Variants in TTYH2 observed in about 807,000 individuals in gnomAD.
TTYH2 encodes protein tweety homolog 2.
A neutral mutation model predicts 68.3 loss-of-function variants in TTYH2; 49 were observed. The ratio of observed to expected loss-of-function variants is 0.72; its 90% confidence interval spans 0.57 to 0.91. The LOEUF is 0.91. Among genes scored for constraint, TTYH2 ranks in the 40% least tolerant of loss-of-function variants. The pLI, the probability that TTYH2 is intolerant of heterozygous loss-of-function variation, is 0.00. For synonymous variants in TTYH2, 272 were observed against 300.8 expected, an observed-to-expected ratio of 0.90 and a Z score of 0.99; for missense variants, 631 against 700.4, an observed-to-expected ratio of 0.90 and a Z score of 1.12.
intron 3 of TTYH2, 86 bp downstream of exon 3, chr17:74,231,085 T>C: frequency 2.4e-6 from 3 of 1,249,652 alleles, no homozygotes; most frequent in Admixed American, 3.6e-5. Context: ...AGATCCCAGC[T>C]AGCTCAGCTG....
At chr17:74,251,319 CAT>C (rs1222751002) in intron 10 of TTYH2, among the ~76,000 whole-genome samples, 64 of 135,452 alleles carry the variant, frequency 4.7e-4, no homozygotes, top group African/African-American at 1.7e-3. Flanking sequence ...GTTGTGTGCA[CAT>C]GTGTGCACAT....
intron 10 of TTYH2, among the ~76,000 whole-genome samples, chr17:74,251,388 G>T (rs2050627602): frequency 6.7e-6 from 1 of 150,274 alleles, no homozygotes; most frequent in South Asian, 2.1e-4. Flanking sequence ...TGTGTGTGGG[G>T]GGTGTGTGTG....
At chr17:74,233,087 G>A (rs925575564) in intron 3 of TTYH2, among the ~76,000 whole-genome samples, 3 of 152,166 alleles carry the variant, frequency 2.0e-5, no homozygotes, top group Non-Finnish European at 4.4e-5. Flanking sequence ...CGTTGTTACC[G>A]AGAAGTGAGG....
At position 74,237,277 on chromosome 17, in the gene TTYH2, C is replaced by T. The variant is rs374462115; in HGVS notation, c.415-17C>T. Reference sequence around the variant, plus strand: ...GAAGCTCTACCTCCATGGCTTTTGCCCCCTGCTCCTCCCTAGGTTTCCGGA... The same window carrying T: ...GAAGCTCTACCTCCATGGCTTTTGCTCCCTGCTCCTCCCTAGGTTTCCGGA... On this transcript the variant is annotated splice_polypyrimidine_tract_variant and intron_variant, in intron 3 of 13. Transcript: ENST00000269346. The T allele has an allele frequency of 2.5e-6, 4 of 1,612,558 alleles. No individual in the cohort carries two copies. The Admixed American group carries it at 6.7e-5, about 27-fold the overall frequency.
Position 74,215,746 on chromosome 17 carries a change from T to TG in TTYH2, c.129+2032dup, listed in dbSNP as rs200656677. 22,588 of 1,526,518 alleles carry TG rather than the reference T, an allele frequency of 0.015. 189 individuals are homozygous for TG. The highest frequency in any genetic ancestry group is 0.018 in the Non-Finnish European group (20,155 of 1,138,548). The allele number at this position is 1,526,518 out of a possible 1,614,324, so 94.6% of individuals were successfully genotyped here. ...CCCTGTTGTGACCACAGGTCTCTCC[T>TG]GGATGTCTTCTTTCCTCCTGAGCAC... is the stretch of plus-strand genomic sequence containing the variant. On this transcript the variant is annotated intron_variant, in intron 1 of 13. Coordinates refer to ENST00000269346, the MANE Select transcript of TTYH2 (RefSeq NM_032646.6). The surrounding 1 kb of genome is among the most constrained non-coding windows in gnomAD (Gnocchi z 4.3).
At position 74,232,732 on chromosome 17, in the gene TTYH2, C is replaced by G. The variant is rs1274700497; in HGVS notation, c.414+1733C>G. On this transcript the variant is annotated intron_variant, in intron 3 of 13. Transcript: ENST00000269346. The surrounding 1 kb of genome is among the most constrained non-coding windows in gnomAD (Gnocchi z 5.1). ...AGGAACCTAGCCCCGAGAGGAAAAT[C>G]CCCTGCCCTGCCCAGGAAGGCACCA... 2.6e-5 allele frequency among the ~76,000 whole-genome samples: 4 copies of G among 152,322 alleles called. No homozygotes were observed. In the South Asian group the frequency reaches 6.2e-4, roughly 24 times the overall value.
At chr17:74,251,932 G>A (rs1294345191) in intron 10 of TTYH2, 1 of 361,862 alleles carries the variant, frequency 2.8e-6, no homozygotes, top group East Asian at 5.8e-5. Flanking sequence ...CCTGGCCTCA[G>A]CTTCAGTGCC....
At chr17:74,220,589 T>C (rs2050265814) in intron 1 of TTYH2, among the ~76,000 whole-genome samples, 1 of 152,196 alleles carries the variant, frequency 6.6e-6, no homozygotes, top group South Asian at 2.1e-4. Flanking sequence ...TGAAGGGGCA[T>C]GGACTGAGGA....
chr17:74,226,815 G>A (rs550287079), intron 2 of TTYH2, among the ~76,000 whole-genome samples: 2 of 152,124 alleles, frequency 1.3e-5, no homozygotes, highest in South Asian at 4.2e-4. Flanking sequence ...ACACCAGGGG[G>A]AAAGCAACAC....
intron 13 of TTYH2, among the ~76,000 whole-genome samples, chr17:74,255,936 G>A (rs144798756): frequency 2.0e-5 from 3 of 152,300 alleles, no homozygotes; most frequent in East Asian, 3.9e-4. Context: ...TGGGACCAGC[G>A]TGATAGACCT....
rs1042845199 is a variant in TTYH2 at position 74,231,051 on chromosome 17, G to C, written c.414+52G>C. 4 of 1,560,392 alleles carry C rather than the reference G, an allele frequency of 2.6e-6. No homozygotes were observed. In the East Asian group the frequency reaches 6.7e-5, roughly 26 times the overall value. ...TACAGGCACAGCCCACAAGGTCAGC[G>C]TGGTCAGAGCAAGGGCCCCCGTCAG... On this transcript the variant is annotated intron_variant, in intron 3 of 13. Transcript: ENST00000269346.
chr17:74,234,027 A>G (rs1368005309), intron 3 of TTYH2, among the ~76,000 whole-genome samples: 1 of 152,102 alleles, frequency 6.6e-6, no homozygotes, highest in Non-Finnish European at 1.5e-5. Flanking sequence ...GCCCATCCAC[A>G]CTTCCAGATA....
At chr17:74,230,487 G>A (rs921570404) in intron 2 of TTYH2, among the ~76,000 whole-genome samples, 1 of 152,150 alleles carries the variant, frequency 6.6e-6, no homozygotes, top group Non-Finnish European at 1.5e-5. Flanking sequence ...GTGATGATGT[G>A]TGCATCTGGG....
rs1326537977 is a variant in TTYH2, at chr17:74,222,525, G to GCCTGAA, written c.174_179dup (p.Asn59_Leu60dup). The GCCTGAA allele has an allele frequency of 6.2e-7, 1 of 1,611,980 alleles. No individual in the cohort carries two copies. The highest frequency in any genetic ancestry group is 1.3e-5 in the African/African-American group (1 of 74,936). On this transcript the variant is annotated inframe_insertion, in exon 2 of 14. Transcript: ENST00000269346. The surrounding 1 kb of genome is among the most constrained non-coding windows in gnomAD (Gnocchi z 5.2). ...GGGCTGGTGGCCGCCGTCTGCCTGG[G>GCCTGAA]CCTGAACCTCATCTTCCTTGTGGCT...
chr17:74,244,110 G>T, intron 6 of TTYH2, 61 bp downstream of exon 6: 1 of 1,527,858 alleles, frequency 6.5e-7, no homozygotes. Context: ...ACTCTGGTGT[G>T]TCTCCAAGCA....
chr17:74,215,110 A>G lies in TTYH2; in HGVS notation c.129+1394A>G, dbSNP rs1215866676. Among the ~76,000 whole-genome samples, 1 of 151,888 alleles carries G rather than the reference A, an allele frequency of 6.6e-6. No individual in the cohort carries two copies. The highest frequency in any genetic ancestry group is 1.5e-5 in the Non-Finnish European group (1 of 67,960). Reference sequence around the variant, plus strand: ...AATGTGGCTGCCTGGGGATAGCTCCAGGGAATCTTCCTCTCCCAGAGAATG... The same window carrying G: ...AATGTGGCTGCCTGGGGATAGCTCCGGGGAATCTTCCTCTCCCAGAGAATG... On this transcript the variant is annotated intron_variant, in intron 1 of 13. Transcript: ENST00000269346. This position sits in a 1 kb window ranked among gnomAD's most constrained non-coding sequence, Gnocchi z 4.3.
At position 74,250,060 on chromosome 17, in the gene TTYH2, C is replaced by A; in HGVS notation, c.1023+32C>A. ...CAGCTGTGCAGGAAGAGGGGAGCCC[C>A]AGATGAACCCTGACAGCCCTTTCCC... On this transcript the variant is annotated intron_variant, in intron 9 of 13. Coordinates refer to ENST00000269346, the MANE Select transcript of TTYH2 (RefSeq NM_032646.6). 8 of 1,609,604 alleles carry A rather than the reference C, an allele frequency of 5.0e-6. 1 individual carries two copies. The highest frequency in any genetic ancestry group is 6.8e-6 in the Non-Finnish European group (8 of 1,176,140).
chr17:74,253,687 C>G, intron 12 of TTYH2, 68 bp from the exon 13 acceptor site: 1 of 1,511,910 alleles, frequency 6.6e-7, no homozygotes, highest in Non-Finnish European at 9.2e-7. Context: ...TGGGACCCTC[C>G]TGTAGAAATC....
chr17:74,243,470 G>A lies in TTYH2; in HGVS notation c.731+1G>A, dbSNP rs761121051. 12 of 1,613,884 alleles carry A rather than the reference G, an allele frequency of 7.4e-6. No homozygotes were observed. Among genetic ancestry groups the A allele is most frequent in the African/African-American group, 1.3e-5 (1 of 74,926 alleles). On this transcript the variant is annotated splice_donor_variant, in intron 5 of 13. Transcript: ENST00000269346. LOFTEE classifies it high-confidence loss of function. ...AGCGCTCCAAGTGTCTCCTGGCCTCGTGAGTATCCCTACCCGTGGACCTGG... is the reference window on the plus strand; with the variant it reads ...AGCGCTCCAAGTGTCTCCTGGCCTCATGAGTATCCCTACCCGTGGACCTGG...
Sources: gnomAD v4.1 joint callset for allele counts (sites outside exome capture counted in the v4.1 genomes callset) on GRCh38, gnomAD v4.1.1 for gene constraint, Gnocchi (gnomAD v3.1) non-coding constraint, MANE v1.5 for transcripts, NCBI Gene and HGNC (gene_info 2026-07-23, HGNC 2026-07-21) for gene names.